The following SLC39A11 variants were observed in gnomAD, a reference collection of about 807,000 sequenced individuals.
The protein encoded by SLC39A11 is solute carrier family 39 member 11.
In SLC39A11, 33 loss-of-function variants were observed where a neutral mutation model predicts 36.1. That is an observed-to-expected ratio of 0.91 (90% CI 0.69 to 1.22). The LOEUF is 1.22. Ranked by LOEUF, SLC39A11 falls within the 50% of genes most tolerant of loss-of-function variation. The pLI, the probability that SLC39A11 is intolerant of heterozygous loss-of-function variation, is 0.00. For missense variants in SLC39A11, 432 were observed against 430.3 expected (o/e 1.00, Z -0.03); for synonymous variants, 166 against 170.3 (o/e 0.97, Z 0.20).
At chr17:72,680,041 CAAAAAAAA>C (rs199650969) in intron 7 of SLC39A11, among the ~76,000 whole-genome samples, 16 of 71,696 alleles carry the variant, frequency 2.2e-4, no homozygotes, top group African/African-American at 1.2e-3. Context: ...GACTCTGTCT[CAAAAAAAA>C]AAAAAAAAAA....
At chr17:72,998,992 C>CA (rs2089672762) in intron 4 of SLC39A11, among the ~76,000 whole-genome samples, 2 of 152,184 alleles carry the variant, frequency 1.3e-5, no homozygotes, top group African/African-American at 4.8e-5. Flanking sequence ...AGAGTGGTTT[C>CA]AGAGTCTCAC....
In SLC39A11 at chr17:72,803,674, T is replaced by TCA. The variant is rs2077165907; in HGVS notation, c.601+45958_601+45959dup. On this transcript the variant is annotated intron_variant, in intron 6 of 9. Coordinates refer to ENST00000255559, the MANE Select transcript of SLC39A11 (RefSeq NM_139177.4). ...AGGTTCTCAGCTCCTGGAGGGCAGG[T>TCA]CACATTTGCTTTCTCTGACTTGCAT... is the stretch of plus-strand genomic sequence containing the variant. 2.0e-5 allele frequency among the ~76,000 whole-genome samples: 3 copies of TCA among 152,106 alleles called. No individual in the cohort carries two copies. The East Asian group carries it at 5.8e-4, about 29-fold the overall frequency.
intron 6 of SLC39A11, among the ~76,000 whole-genome samples, chr17:72,785,069 T>C (rs573315391): frequency 6.6e-6 from 1 of 152,192 alleles, no homozygotes; most frequent in South Asian, 2.1e-4. Context: ...AGTTTCACCA[T>C]ATTGGTCAGG....
chr17:72,894,426 T>C (rs2081927376), intron 5 of SLC39A11, among the ~76,000 whole-genome samples: 1 of 144,142 alleles, frequency 6.9e-6, no homozygotes, highest in South Asian at 2.2e-4. Context: ...TCGCAGCACT[T>C]TGGGAGGCTG....
At chr17:73,013,043 C>T (rs1892722360) in intron 4 of SLC39A11, among the ~76,000 whole-genome samples, 1 of 152,088 alleles carries the variant, frequency 6.6e-6, no homozygotes, top group South Asian at 2.1e-4. Flanking sequence ...AGGTGATCCA[C>T]CTGCCTCGGC....
rs935716331 is a variant in SLC39A11, at chr17:72,645,960, C to T, written c.*1624G>A. ...CGTAACACAGGTCATCCACAACATC[C>T]CCTTTTTATTGATATTAATCACAGT... On this transcript the variant is annotated 3_prime_UTR_variant, in exon 10 of 10. Transcript: ENST00000255559. 5 of 152,724 alleles carry T rather than the reference C, an allele frequency of 3.3e-5. No individual in the cohort carries two copies. The highest frequency in any genetic ancestry group is 1.2e-4 in the African/African-American group (5 of 41,552). The allele number at this position is 152,724 out of a possible 1,614,324, so 9.5% of individuals were successfully genotyped here. A position where few individuals can be genotyped will look rare whatever the true frequency, so the allele number is the denominator to read the frequency against.
At chr17:72,962,626 T>A (rs572819551) in intron 4 of SLC39A11, among the ~76,000 whole-genome samples, 1 of 152,198 alleles carries the variant, frequency 6.6e-6, no homozygotes, top group African/African-American at 2.4e-5. Flanking sequence ...AACCTCTGCC[T>A]CCCGAGTTCA....
intron 5 of SLC39A11, among the ~76,000 whole-genome samples, chr17:72,941,772 A>G (rs1417791043): frequency 5.9e-5 from 9 of 152,200 alleles, no homozygotes; most frequent in Non-Finnish European, 1.0e-4. Context: ...TCCAGATGCG[A>G]AAAAGCTTCT....
Position 73,065,308 on chromosome 17 carries a change from G to T in SLC39A11, c.147+19500C>A, listed in dbSNP as rs535511802. ...TGATCCCAGCTACTCGGGAGGCTGAGGCAGGAGAATCGCTTGAACCTGGGA... is the reference window on the plus strand; with the variant it reads ...TGATCCCAGCTACTCGGGAGGCTGATGCAGGAGAATCGCTTGAACCTGGGA... On this transcript the variant is annotated intron_variant, in intron 3 of 9. Transcript: ENST00000255559. 5.9e-5 allele frequency among the ~76,000 whole-genome samples: 9 copies of T among 152,282 alleles called. No homozygotes were observed. In the South Asian group the frequency reaches 1.5e-3, roughly 25 times the overall value.
chr17:72,863,013 C>G (rs2080122494), intron 5 of SLC39A11, among the ~76,000 whole-genome samples: 3 of 152,220 alleles, frequency 2.0e-5, no homozygotes, highest in Admixed American at 6.5e-5. Context: ...AGTGCAGATT[C>G]TTGGACTCCA....
chr17:72,984,162 A>ATT (rs2088539696), intron 4 of SLC39A11, among the ~76,000 whole-genome samples: 2 of 152,190 alleles, frequency 1.3e-5, no homozygotes, highest in South Asian at 4.1e-4. Context: ...TGCCACTATC[A>ATT]GCAGCAAAAA....
chr17:73,003,915 G>A (rs777189509), intron 4 of SLC39A11, among the ~76,000 whole-genome samples: 8 of 151,916 alleles, frequency 5.3e-5, no homozygotes, highest in Admixed American at 6.6e-5. Context: ...GTGAAACCCC[G>A]TCTCTACTAA....
chr17:72,733,917 G>C (rs2074326536), intron 7 of SLC39A11, among the ~76,000 whole-genome samples: 1 of 152,150 alleles, frequency 6.6e-6, no homozygotes, highest in African/African-American at 2.4e-5. Context: ...TGGTTCGAAA[G>C]CCCCAGCATT....
At chr17:72,785,736 A>G (rs1483487255) in intron 6 of SLC39A11, among the ~76,000 whole-genome samples, 2 of 152,200 alleles carry the variant, frequency 1.3e-5, no homozygotes, top group African/African-American at 4.8e-5. Flanking sequence ...TGCTGGATAC[A>G]TCGTTTTCTT....
At chr17:72,810,688 A>G (rs1009242029) in intron 6 of SLC39A11, among the ~76,000 whole-genome samples, 1 of 151,690 alleles carries the variant, frequency 6.6e-6, no homozygotes, top group Non-Finnish European at 1.5e-5. Context: ...ATATGTAAAA[A>G]TTCTTTTTTT....
intron 5 of SLC39A11, among the ~76,000 whole-genome samples, chr17:72,925,212 G>C (rs545171612): frequency 1.2e-4 from 18 of 152,130 alleles, no homozygotes; most frequent in African/African-American, 3.6e-4. Context: ...TGTGGACCAG[G>C]TCACTTATTT....
chr17:72,854,514 T>C (rs911994462), intron 5 of SLC39A11, among the ~76,000 whole-genome samples: 2 of 152,094 alleles, frequency 1.3e-5, no homozygotes, highest in Admixed American at 1.3e-4. Flanking sequence ...GATAGTAGTA[T>C]GTGTTAACCC....
intron 4 of SLC39A11, among the ~76,000 whole-genome samples, chr17:72,972,325 G>A (rs182173497): frequency 1.3e-5 from 2 of 152,284 alleles, no homozygotes; most frequent in Admixed American, 1.3e-4. Context: ...CCAGGTAAGG[G>A]CATTGCAATA....
intron 4 of SLC39A11, among the ~76,000 whole-genome samples, chr17:72,967,399 A>AGAGAGAGAGAGT (rs143987646): frequency 0.038 from 5,290 of 137,822 alleles, 213 homozygotes; most frequent in East Asian, 0.2. Context: ...AGAGAGAGAG[A>AGAGAGAGAGAGT]GTGTGTGTGT....
Sources: gnomAD v4.1 joint callset for allele counts (sites outside exome capture counted in the v4.1 genomes callset) on GRCh38, gnomAD v4.1.1 for gene constraint, MANE v1.5 for transcripts, NCBI Gene and HGNC (gene_info 2026-07-23, HGNC 2026-07-21) for gene names.